ANKS1B: variants seen among roughly 807,000 people sequenced by gnomAD.
ANKS1B encodes the protein ankyrin repeat and sterile alpha motif domain-containing protein 1B.
A neutral mutation model predicts 148.3 loss-of-function variants in ANKS1B; 36 were observed. That is an observed-to-expected ratio of 0.24 (90% CI 0.19 to 0.32). The LOEUF (loss-of-function observed/expected upper bound fraction) is 0.32. Among genes scored for constraint, ANKS1B ranks in the 10% least tolerant of loss-of-function variants. ANKS1B has a pLI of 1.00. For missense variants in ANKS1B, 1,157 were observed against 1,542.6 expected (o/e 0.75, Z 4.19); for synonymous variants, 542 against 560.8 (o/e 0.97, Z 0.47).
intron 14 of ANKS1B, among the ~76,000 whole-genome samples, chr12:99,196,289 G>T (rs1167364608): frequency 1.3e-5 from 2 of 152,146 alleles, no homozygotes; most frequent in Non-Finnish European, 2.9e-5. Context: ...TTGTTAAGTT[G>T]CCAATAATCA....
intron 9 of ANKS1B, among the ~76,000 whole-genome samples, chr12:98,736,841 C>CTCAT (rs1367014419): frequency 6.6e-6 from 1 of 152,222 alleles, no homozygotes; most frequent in African/African-American, 2.4e-5. Context: ...GATCAGTCTG[C>CTCAT]TCATTCACCC....
At chr12:99,079,194 G>C (rs2048838913) in intron 16 of ANKS1B, among the ~76,000 whole-genome samples, 1 of 152,168 alleles carries the variant, frequency 6.6e-6, no homozygotes, top group African/African-American at 2.4e-5. Context: ...CTGGATTCCT[G>C]ACCCACAGAA....
intron 1 of ANKS1B, among the ~76,000 whole-genome samples, chr12:99,929,990 T>G (rs926472581): frequency 6.6e-6 from 1 of 152,218 alleles, no homozygotes; most frequent in African/African-American, 2.4e-5. Context: ...GGCTCTTTTT[T>G]GGTTCCACAT....
At chr12:98,847,887 C>T (rs1268101439) in intron 17 of ANKS1B, among the ~76,000 whole-genome samples, 2 of 152,166 alleles carry the variant, frequency 1.3e-5, no homozygotes, top group East Asian at 3.9e-4. Context: ...TGAGCCACTG[C>T]GCCTGGCCAA....
At chr12:99,438,555 C>T (rs563506389) in intron 11 of ANKS1B, among the ~76,000 whole-genome samples, 1 of 151,952 alleles carries the variant, frequency 6.6e-6, no homozygotes, top group East Asian at 1.9e-4. Flanking sequence ...CAACAAGGCT[C>T]AAATCATTAG....
chr12:99,914,820 T>C (rs999648936), intron 1 of ANKS1B, among the ~76,000 whole-genome samples: 7 of 152,238 alleles, frequency 4.6e-5, no homozygotes, highest in African/African-American at 1.7e-4. Context: ...AAGCCACCTC[T>C]AATTGCATGG....
chr12:99,759,348 A>T (rs981013031), intron 8 of ANKS1B, among the ~76,000 whole-genome samples: 22 of 151,956 alleles, frequency 1.4e-4, no homozygotes, highest in African/African-American at 5.3e-4. Flanking sequence ...ATTGATTCTG[A>T]TTCTATCATA....
chr12:99,127,001 G>A (rs1040974409), intron 15 of ANKS1B, among the ~76,000 whole-genome samples: 1 of 152,094 alleles, frequency 6.6e-6, no homozygotes, highest in Non-Finnish European at 1.5e-5. Flanking sequence ...AACTAACCTT[G>A]GGAGATTATT....
intron 1 of ANKS1B, among the ~76,000 whole-genome samples, chr12:99,894,931 G>A (rs2093328012): frequency 6.6e-6 from 1 of 150,740 alleles, no homozygotes; most frequent in East Asian, 1.9e-4. Flanking sequence ...AGTAGGTTAG[G>A]TGTACTGAAT....
chr12:99,981,001 T>A (rs1424215596), intron 1 of ANKS1B, among the ~76,000 whole-genome samples: 1 of 152,048 alleles, frequency 6.6e-6, no homozygotes, highest in African/African-American at 2.4e-5. Context: ...GGTGAGAAGT[T>A]GGAAGAAAGT....
chr12:99,654,686 A>C (rs1185650898), intron 9 of ANKS1B, among the ~76,000 whole-genome samples: 1 of 152,148 alleles, frequency 6.6e-6, no homozygotes. Context: ...TGAAAAATAT[A>C]ATCACTGGCT....
intron 11 of ANKS1B, among the ~76,000 whole-genome samples, chr12:99,432,352 C>A (rs2095389533): frequency 6.6e-6 from 1 of 152,158 alleles, no homozygotes; most frequent in Non-Finnish European, 1.5e-5. Flanking sequence ...ATAGTCTTCA[C>A]TGCCCTTTCC....
At chr12:99,815,868 C>T (rs893684417) in intron 2 of ANKS1B, among the ~76,000 whole-genome samples, 1 of 151,676 alleles carries the variant, frequency 6.6e-6, no homozygotes, top group Admixed American at 6.6e-5. Context: ...TATATATATA[C>T]CACATTTTAT....
intron 8 of ANKS1B, among the ~76,000 whole-genome samples, chr12:99,692,526 C>T (rs1019647465): frequency 1.3e-5 from 2 of 151,818 alleles, no homozygotes; most frequent in Non-Finnish European, 2.9e-5. Flanking sequence ...CAAAAATTAG[C>T]TGGGCATGGT....
At chr12:99,703,346 T>A (rs2055179133) in intron 8 of ANKS1B, among the ~76,000 whole-genome samples, 1 of 152,230 alleles carries the variant, frequency 6.6e-6, no homozygotes, top group Non-Finnish European at 1.5e-5. Context: ...AAATGAAACA[T>A]CATGTCTAAT....
chr12:98,822,690 A>C (rs2099208167), intron 19 of ANKS1B, among the ~76,000 whole-genome samples: 1 of 152,210 alleles, frequency 6.6e-6, no homozygotes, highest in Admixed American at 6.5e-5. Context: ...ACATGGAGAC[A>C]AGGTGGAGAC....
chr12:99,082,780 GTGATA>G (rs1419144528), intron 16 of ANKS1B, among the ~76,000 whole-genome samples: 3 of 152,132 alleles, frequency 2.0e-5, no homozygotes, highest in Non-Finnish European at 2.9e-5. Flanking sequence ...CACAAAGGAA[GTGATA>G]TGATATGATA....
chr12:98,850,778 T>G (rs1263905197), intron 17 of ANKS1B, among the ~76,000 whole-genome samples: 1 of 69,052 alleles, frequency 1.4e-5, no homozygotes, highest in East Asian at 5.5e-4. Context: ...AGAGAGGCAA[T>G]TTTTAAGATG....
intron 1 of ANKS1B, among the ~76,000 whole-genome samples, chr12:99,870,174 A>G (rs1026585297): frequency 6.6e-6 from 1 of 152,294 alleles, no homozygotes; most frequent in East Asian, 1.9e-4. Flanking sequence ...GCTCCCACCT[A>G]TAAGTGAGAA....
Sources: gnomAD v4.1 joint callset for allele counts (sites outside exome capture counted in the v4.1 genomes callset) on GRCh38, gnomAD v4.1.1 for gene constraint, MANE v1.5 for transcripts, NCBI Gene and HGNC (gene_info 2026-07-23, HGNC 2026-07-21) for gene names.